The following NUMA1 variants were observed in gnomAD, a reference collection of about 807,000 sequenced individuals.
The protein encoded by NUMA1 is SP-H antigen.
In NUMA1, 62 loss-of-function variants were observed where a neutral mutation model predicts 237.1. The observed-to-expected ratio is 0.26, with a 90% CI of 0.21 to 0.32. The LOEUF (loss-of-function observed/expected upper bound fraction) is 0.32. Ranked by LOEUF, NUMA1 falls within the 10% of genes least tolerant of loss-of-function variation. The pLI is 1.00. For synonymous variants in NUMA1, 1,028 were observed against 1,066.1 expected (o/e 0.96, Z 0.70); for missense variants, 2,533 against 2,666.5 (o/e 0.95, Z 1.10).
intron 2 of NUMA1, among the ~76,000 whole-genome samples, chr11:72,056,653 A>AAAAAAAAG (rs1942668097): frequency 8.2e-6 from 1 of 122,022 alleles, no homozygotes; most frequent in Non-Finnish European, 1.8e-5. Context: ...AAAAAAAAAA[A>AAAAAAAAG]AAAAAAAGGC....
chr11:72,013,745 C>G lies in NUMA1; in HGVS notation c.3758G>C (p.Arg1253Pro). The G allele has an allele frequency of 6.2e-7, 1 of 1,610,120 alleles. No homozygotes were observed. ...CTTCTCTGACTCGGCCATCACCAGC[C>G]GCTTCAACTCCTTGCTCTCCCCCTC... ...EKEGESKELK[R>P]LVMAESEKSQ... The change falls in exon 15 of 27, where the codon CGG becomes CCG. Residue 1253 changes from arginine (R) to proline (P), a missense_variant. This residue lies in a region of NUMA1 where 324 missense variants were observed against 407.6 expected (regional missense o/e 0.79). Coordinates refer to ENST00000393695, the MANE Select transcript of NUMA1 (RefSeq NM_006185.4). The surrounding 1 kb of genome is among the most constrained non-coding windows in gnomAD (Gnocchi z 6.8).
At chr11:72,010,716 G>C (rs939306872) in intron 17 of NUMA1, 70 bp downstream of exon 17, 7 of 1,381,300 alleles carry the variant, frequency 5.1e-6, no homozygotes, top group Admixed American at 2.0e-5. Context: ...CACCCCCCAC[G>C]GCCCCAGAGC....
At chr11:72,050,637 G>A (rs576519031) in intron 2 of NUMA1, 9 of 152,246 alleles carry the variant, frequency 5.9e-5, no homozygotes, top group East Asian at 3.9e-4. Flanking sequence ...AATTAGGAAC[G>A]TAAGGCTCAG....
chr11:72,031,133 A>T (rs1244289334), intron 3 of NUMA1, among the ~76,000 whole-genome samples: 4 of 151,816 alleles, frequency 2.6e-5, no homozygotes, highest in Admixed American at 2.0e-4. Context: ...CTACTAAATA[A>T]ATAAATAAGC....
At chr11:72,026,207 T>C (rs192523791) in intron 4 of NUMA1, among the ~76,000 whole-genome samples, 160 of 152,332 alleles carry the variant, frequency 1.1e-3, no homozygotes, top group East Asian at 1.7e-3. Flanking sequence ...GTCTCATCTC[T>C]GTCAGGAAGC....
intron 3 of NUMA1, 151 bp downstream of exon 3, chr11:72,035,751 T>C (rs1590997777): frequency 1.4e-6 from 1 of 727,956 alleles, no homozygotes; most frequent in East Asian, 2.5e-5. Flanking sequence ...ACAGAGCAGA[T>C]GAAAATGCAT....
In NUMA1 at chr11:72,003,354, G is replaced by A. The variant is rs975912885; in HGVS notation, c.*173C>T. On this transcript the variant is annotated 3_prime_UTR_variant, in exon 27 of 27. Transcript: ENST00000393695. ...CCCCCTGGGCCAGCTCCGAGAAGGCGCCAGTGAAGGACCAGGGACCAGGCC... is the reference window on the plus strand; with the variant it reads ...CCCCCTGGGCCAGCTCCGAGAAGGCACCAGTGAAGGACCAGGGACCAGGCC... 9 of 667,712 alleles carry A rather than the reference G, an allele frequency of 1.3e-5. No individual in the cohort carries two copies. The highest frequency in any genetic ancestry group is 3.6e-5 in the South Asian group (2 of 55,248). 41.4% of individuals were successfully genotyped at this position (667,712 alleles called of 1,614,324 possible). A position where few individuals can be genotyped will look rare whatever the true frequency, so the allele number is the denominator to read the frequency against.
chr11:72,037,437 C>T (rs1309688420), intron 2 of NUMA1, among the ~76,000 whole-genome samples: 4 of 151,872 alleles, frequency 2.6e-5, no homozygotes, highest in Non-Finnish European at 4.4e-5. Context: ...ACCCGGGAGG[C>T]GGAGCTTGCA....
At chr11:72,028,450 T>TTAA (rs1472834279) in intron 4 of NUMA1, among the ~76,000 whole-genome samples, 1 of 75,368 alleles carries the variant, frequency 1.3e-5, no homozygotes, top group Non-Finnish European at 2.4e-5. Flanking sequence ...TGCTTTTTCT[T>TTAA]AAAAAAAAAA....
intron 2 of NUMA1, among the ~76,000 whole-genome samples, chr11:72,036,960 T>C (rs1365761606): frequency 6.6e-6 from 1 of 151,882 alleles, no homozygotes; most frequent in Non-Finnish European, 1.5e-5. Flanking sequence ...GGAACAAGAG[T>C]GGTAAGAGCC....
rs768952910 is a variant in NUMA1, at chr11:72,004,302, G to T, written c.6046C>A (p.Pro2016Thr). ...TTGCGCCCTTCATGTCGGTCTCGGGGAGTCATGGGGCGTGGGAAACAGCTG... is the reference window on the plus strand; with the variant it reads ...TTGCGCCCTTCATGTCGGTCTCGGGTAGTCATGGGGCGTGGGAAACAGCTG... ...ATSCFPRPMT[P>T]RDRHEGRKQS... The change falls in exon 25 of 27, where the codon CCC becomes ACC. Residue 2016 changes from proline to threonine, a missense_variant. Physicochemically the swap from Pro to Thr is conservative, Grantham distance 38. Coordinates refer to ENST00000393695, the MANE Select transcript of NUMA1 (RefSeq NM_006185.4). The T allele has an allele frequency of 6.2e-7, 1 of 1,613,092 alleles. No homozygotes were observed. Among genetic ancestry groups the T allele is most frequent in the Non-Finnish European group, 8.5e-7 (1 of 1,179,802 alleles).
intron 13 of NUMA1, 90 bp from the exon 14 acceptor site, chr11:72,016,620 C>T: frequency 6.8e-7 from 1 of 1,476,998 alleles, no homozygotes; most frequent in Non-Finnish European, 9.2e-7. Flanking sequence ...AAACATGGGG[C>T]CCATCATCTT....
chr11:72,035,476 C>T (rs1186739187), intron 3 of NUMA1, among the ~76,000 whole-genome samples: 8 of 149,718 alleles, frequency 5.3e-5, no homozygotes, highest in African/African-American at 7.4e-5. Flanking sequence ...GGTGTGATCT[C>T]GGCTCACAGC....
chr11:72,008,223 A>C (rs1226617068), intron 20 of NUMA1: 3 of 428,834 alleles, frequency 7.0e-6, no homozygotes, highest in Non-Finnish European at 1.4e-5. Context: ...CTATTAGAAT[A>C]ATCTTTTTAA....
intron 3 of NUMA1, among the ~76,000 whole-genome samples, chr11:72,031,405 G>C (rs1331969582): frequency 6.6e-6 from 1 of 152,148 alleles, no homozygotes; most frequent in Non-Finnish European, 1.5e-5. Flanking sequence ...AGTTAAGTTA[G>C]CTGCATGCAC....
chr11:72,051,078 G>A (rs537573992), intron 2 of NUMA1, among the ~76,000 whole-genome samples: 2 of 152,142 alleles, frequency 1.3e-5, no homozygotes, highest in Admixed American at 1.3e-4. Flanking sequence ...TAGTAGCGAT[G>A]AAGTCTCGCT....
chr11:72,017,727 G>T lies in NUMA1; in HGVS notation c.1079C>A (p.Ala360Asp). The change falls in exon 13 of 27, where the codon GCC becomes GAC. Residue 360 changes from alanine to aspartate, a missense_variant. Coordinates refer to ENST00000393695, the MANE Select transcript of NUMA1 (RefSeq NM_006185.4). The stretch of plus-strand genomic sequence containing the variant: ...TGCGCTGAGCTCCTTCTCCAGCTGG[G>T]CCTGCTTCTCTAGCCACTCCTGAGT... Reference protein sequence around the residue: ...KATQEWLEKQAQLEKELSAAL... With the variant: ...KATQEWLEKQDQLEKELSAAL... 1 of 1,613,340 alleles carries T rather than the reference G, an allele frequency of 6.2e-7. No homozygotes were observed.
In NUMA1 at chr11:72,006,278, G is replaced by A. The variant is rs778048450; in HGVS notation, c.5464-15C>T. ...ACATCTAGCTTCTGGAAGACAGAGT[G>A]AATCTGTTGCAGTGTACAGTCCCTG... On this transcript the variant is annotated splice_polypyrimidine_tract_variant and intron_variant, in intron 21 of 26. Coordinates refer to ENST00000393695, the MANE Select transcript of NUMA1 (RefSeq NM_006185.4). 10 of 1,608,722 alleles carry A rather than the reference G, an allele frequency of 6.2e-6. No individual in the cohort carries two copies. Among genetic ancestry groups the A allele is most frequent in the Non-Finnish European group, 7.7e-6 (9 of 1,175,360 alleles).
intron 4 of NUMA1, among the ~76,000 whole-genome samples, chr11:72,028,450 T>TAAA (rs11300189): frequency 2.5e-4 from 19 of 75,394 alleles, no homozygotes; most frequent in East Asian, 9.2e-4. Flanking sequence ...TGCTTTTTCT[T>TAAA]AAAAAAAAAA....
Sources: allele counts gnomAD v4.1 joint callset (sites outside exome capture counted in the v4.1 genomes callset), GRCh38; gene constraint gnomAD v4.1.1; regional missense constraint gnomAD v4.1.1; non-coding constraint Gnocchi (gnomAD v3.1); transcripts MANE v1.5; gene names NCBI Gene and HGNC (gene_info 2026-07-23, HGNC 2026-07-21).